The following GPC3 variants were observed in gnomAD, a reference collection of about 807,000 sequenced individuals.
The protein encoded by GPC3 is glypican-3.
Under a neutral mutation model 34.4 loss-of-function variants are expected in GPC3, and 3 were observed. The ratio of observed to expected loss-of-function variants is 0.09; its 90% CI spans 0.04 to 0.23. The LOEUF is 0.23. GPC3 is among the 10% of genes least tolerant of loss of function. GPC3 has a pLI of 1.00. For missense variants in GPC3, 351 were observed against 445.6 expected, an observed-to-expected ratio of 0.79 and a Z score of 1.91; for synonymous variants, 177 against 174.0, an observed-to-expected ratio of 1.02 and a Z score of -0.13.
At chrX:133,910,738 A>C (rs1283046427) in intron 2 of GPC3, among the ~76,000 whole-genome samples, 1 of 112,283 alleles carries the variant, frequency 8.9e-6, no homozygotes, top group Non-Finnish European at 1.9e-5. Context: ...ATTTATGGGG[A>C]AAGCTAGTTG....
chrX:133,561,471 T>C (rs775844370), intron 7 of GPC3, among the ~76,000 whole-genome samples: 2 of 112,481 alleles, frequency 1.8e-5, no homozygotes, highest in South Asian at 7.4e-4. Flanking sequence ...CCTGTTATTT[T>C]AAAGCAGAAA....
rs2076184495 is a variant in GPC3 at position 133,909,156 on chromosome X, G to T, written c.337+43894C>A. 2.7e-5 allele frequency among the ~76,000 whole-genome samples: 3 copies of T among 112,173 alleles called. No individual in the cohort carries two copies. The South Asian group carries it at 1.1e-3, about 41-fold the overall frequency. On this transcript the variant is annotated intron_variant, in intron 2 of 7. Transcript: ENST00000370818. Reference sequence around the variant, plus strand: ...AGTGTCTGTTATTTGTTAAATAAACGAATATTTGGGCAGAGCCAAAAAACA... The same window carrying T: ...AGTGTCTGTTATTTGTTAAATAAACTAATATTTGGGCAGAGCCAAAAAACA...
intron 5 of GPC3, chrX:133,670,976 C>A: frequency 4.1e-6 from 2 of 482,894 alleles, no homozygotes; most frequent in South Asian, 3.1e-5. Context: ...CCATCATGAA[C>A]GACACGGTAA....
intron 6 of GPC3, among the ~76,000 whole-genome samples, chrX:133,644,625 G>A (rs2070521973): frequency 9.0e-6 from 1 of 111,182 alleles, no homozygotes; most frequent in African/African-American, 3.3e-5. Flanking sequence ...CTAATGTTTT[G>A]ATATAATTCT....
At chrX:133,716,042 C>T (rs2071310330) in intron 3 of GPC3, among the ~76,000 whole-genome samples, 1 of 111,991 alleles carries the variant, frequency 8.9e-6, no homozygotes, top group African/African-American at 3.2e-5. Flanking sequence ...CAATCATTAA[C>T]TTACTACCAC....
intron 7 of GPC3, among the ~76,000 whole-genome samples, chrX:133,547,025 G>A (rs748138589): frequency 9.2e-4 from 103 of 111,430 alleles, no homozygotes; most frequent in African/African-American, 3.1e-3. Flanking sequence ...TTGCAACAAC[G>A]TGGATGGAAT....
At chrX:133,539,577 G>A (rs1355410922) in intron 7 of GPC3, among the ~76,000 whole-genome samples, 1 of 112,171 alleles carries the variant, frequency 8.9e-6, no homozygotes, top group Non-Finnish European at 1.9e-5. Context: ...CAACAATGAT[G>A]GCCAAAGCCA....
chrX:133,976,257 C>A (rs56398798), intron 1 of GPC3, among the ~76,000 whole-genome samples: 2 of 111,610 alleles, frequency 1.8e-5, no homozygotes, highest in Non-Finnish European at 1.9e-5. Flanking sequence ...TATGAGTGTA[C>A]AAATATGTGT....
chrX:133,817,357 T>C (rs902681443), intron 2 of GPC3, among the ~76,000 whole-genome samples: 5 of 112,268 alleles, frequency 4.5e-5, no homozygotes, highest in Admixed American at 1.9e-4. Context: ...TCCTGAAAAA[T>C]TGGCAGGAGT....
intron 3 of GPC3, among the ~76,000 whole-genome samples, chrX:133,747,200 T>C (rs2071620479): frequency 8.9e-6 from 1 of 111,848 alleles, no homozygotes; most frequent in African/African-American, 3.2e-5. Flanking sequence ...GCAGATGCAT[T>C]AAAAACTATG....
At chrX:133,779,631 A>G (rs2072025327) in intron 2 of GPC3, among the ~76,000 whole-genome samples, 1 of 111,883 alleles carries the variant, frequency 8.9e-6, no homozygotes, top group Non-Finnish European at 1.9e-5. Context: ...CCACATTTTC[A>G]TGTAGCTATG....
intron 3 of GPC3, among the ~76,000 whole-genome samples, chrX:133,749,989 G>A (rs1188325464): frequency 1.8e-5 from 2 of 111,357 alleles, no homozygotes; most frequent in African/African-American, 3.3e-5. Context: ...CATTTGGTAC[G>A]TATTACTTAG....
chrX:133,858,316 C>G, intron 2 of GPC3, among the ~76,000 whole-genome samples: 1 of 112,241 alleles, frequency 8.9e-6, no homozygotes, highest in East Asian at 2.8e-4. Flanking sequence ...GGTCCCCACT[C>G]TGGGCCATCC....
At chrX:133,731,462 TA>T (rs1241456790) in intron 3 of GPC3, among the ~76,000 whole-genome samples, 4 of 112,422 alleles carry the variant, frequency 3.6e-5, no homozygotes, top group African/African-American at 1.3e-4. Context: ...TTGTAGATGC[TA>T]CAAAAATACC....
intron 2 of GPC3, among the ~76,000 whole-genome samples, chrX:133,811,039 T>C (rs1362862219): frequency 9.0e-6 from 1 of 111,262 alleles, no homozygotes; most frequent in African/African-American, 3.3e-5. Context: ...TGACCATACA[T>C]CCTGATTAGC....
intron 2 of GPC3, among the ~76,000 whole-genome samples, chrX:133,893,218 T>C (rs892244725): frequency 2.7e-5 from 3 of 111,072 alleles, no homozygotes; most frequent in Admixed American, 9.6e-5. Context: ...GGTCGCACCA[T>C]TGCACTCCAG....
chrX:133,911,919 A>T (rs1379295319), intron 2 of GPC3, among the ~76,000 whole-genome samples: 1 of 111,900 alleles, frequency 8.9e-6, no homozygotes, highest in South Asian at 3.7e-4. Flanking sequence ...AGTAGTATCA[A>T]GTTTAAAATT....
intron 5 of GPC3, among the ~76,000 whole-genome samples, chrX:133,685,794 G>C (rs976035126): frequency 9.6e-6 from 1 of 103,824 alleles, no homozygotes; most frequent in African/African-American, 3.5e-5. Context: ...GGGTCTTGCT[G>C]TGTGCCCAGG....
chrX:133,985,231 G>T (rs1211902187), intron 1 of GPC3, 44 bp downstream of exon 1: 2 of 1,193,284 alleles, frequency 1.7e-6, no homozygotes, highest in African/African-American at 3.5e-5. Context: ...CGCGCGCCTT[G>T]CTCCCCGCTG....
Sources: allele counts gnomAD v4.1 joint callset (sites outside exome capture counted in the v4.1 genomes callset), GRCh38; gene constraint gnomAD v4.1.1; transcripts MANE v1.5; gene names NCBI Gene and HGNC (gene_info 2026-07-23, HGNC 2026-07-21).